Variants in HMGA2 observed in about 807,000 individuals in gnomAD.
The protein encoded by HMGA2 is high mobility group protein HMGI-C.
A neutral mutation model predicts 19.1 loss-of-function variants in HMGA2; 8 were observed. That is an observed-to-expected ratio of 0.42 (90% confidence interval 0.25 to 0.76). The LOEUF is 0.76. Among genes scored for constraint, HMGA2 ranks in the 30% least tolerant of loss-of-function variants. The probability of loss-of-function intolerance (pLI) is 0.28; values close to 1 mark genes in which losing one functional copy is unlikely to be tolerated. For synonymous variants in HMGA2, 60 were observed against 48.8 expected (o/e 1.23, Z -0.96); for missense variants, 109 against 136.3 (o/e 0.80, Z 1.00).
In HMGA2 at chr12:65,885,382, A is replaced by C. The variant is rs181094383; in HGVS notation, c.249+46813A>C. 1.2e-3 allele frequency among the ~76,000 whole-genome samples: 177 copies of C among 152,346 alleles called. 4 individuals are homozygous for C. Among genetic ancestry groups the C allele is most frequent in the Admixed American group, 0.011 (170 of 15,294 alleles). ...GGATTGTTGTTATGTTCTTTTGGCC[A>C]GAAGACACTCGTCTTCCTGGGAAAT... is the stretch of plus-strand genomic sequence containing the variant. On this transcript the variant is annotated intron_variant, in intron 3 of 4. Coordinates refer to ENST00000403681, the MANE Select transcript of HMGA2 (RefSeq NM_003483.6).
At chr12:65,912,043 G>T (rs1021699562) in intron 3 of HMGA2, among the ~76,000 whole-genome samples, 9 of 152,052 alleles carry the variant, frequency 5.9e-5, no homozygotes, top group African/African-American at 2.2e-4. Context: ...GCTTCAGGCT[G>T]GTGATCCCTG....
intron 3 of HMGA2, among the ~76,000 whole-genome samples, chr12:65,848,142 C>T (rs2120914742): frequency 6.6e-6 from 1 of 152,302 alleles, no homozygotes; most frequent in African/African-American, 2.4e-5. Flanking sequence ...TCCCTCACTC[C>T]TGGAAATAGC....
intron 3 of HMGA2, among the ~76,000 whole-genome samples, chr12:65,902,680 A>G (rs186808459): frequency 6.6e-6 from 1 of 152,298 alleles, no homozygotes; most frequent in Non-Finnish European, 1.5e-5. Flanking sequence ...GAAATGAGGA[A>G]ATGGAACAGA....
At chr12:65,903,266 T>C (rs543295206) in intron 3 of HMGA2, among the ~76,000 whole-genome samples, 125 of 152,334 alleles carry the variant, frequency 8.2e-4, no homozygotes, top group African/African-American at 2.6e-3. Flanking sequence ...GAAACTTGTG[T>C]CACTTCACTA....
intron 3 of HMGA2, among the ~76,000 whole-genome samples, chr12:65,923,504 C>G (rs1875394158): frequency 6.6e-6 from 1 of 152,180 alleles, no homozygotes; most frequent in Admixed American, 6.5e-5. Context: ...TAGTGAGCTC[C>G]CCTTGCCAGC....
intron 3 of HMGA2, among the ~76,000 whole-genome samples, chr12:65,938,183 T>C (rs752202697): frequency 4.6e-5 from 7 of 152,180 alleles, no homozygotes; most frequent in Non-Finnish European, 1.0e-4. Context: ...CTGAAGGAAA[T>C]AGACTGAGAA....
chr12:65,871,157 A>G (rs531987709), intron 3 of HMGA2, among the ~76,000 whole-genome samples: 1 of 152,338 alleles, frequency 6.6e-6, no homozygotes, highest in East Asian at 1.9e-4. Context: ...ATGTGTTTAT[A>G]ATACAGATTT....
At chr12:65,944,508 TA>T in intron 3 of HMGA2, among the ~76,000 whole-genome samples, 1 of 152,072 alleles carries the variant, frequency 6.6e-6, no homozygotes, top group East Asian at 1.9e-4. Flanking sequence ...CAGTCTTTGG[TA>T]AAATAAGTGT....
intron 3 of HMGA2, among the ~76,000 whole-genome samples, chr12:65,911,476 A>G (rs1874843085): frequency 6.6e-6 from 1 of 152,192 alleles, no homozygotes; most frequent in African/African-American, 2.4e-5. Context: ...TCAACAGAGC[A>G]GCTTCTCTGC....
At chr12:65,883,182 G>A (rs904773352) in intron 3 of HMGA2, among the ~76,000 whole-genome samples, 1 of 152,246 alleles carries the variant, frequency 6.6e-6, no homozygotes, top group African/African-American at 2.4e-5. Context: ...AGGGGTGAAA[G>A]AAGAGGAAAG....
intron 3 of HMGA2, chr12:65,851,514 T>TCAAAAA (rs1238131053): frequency 1.3e-5 from 4 of 297,360 alleles, no homozygotes; most frequent in African/African-American, 2.3e-5. Context: ...AAACTCCATC[T>TCAAAAA]CAAAAACAAA....
At chr12:65,848,158 G>A (rs540437982) in intron 3 of HMGA2, among the ~76,000 whole-genome samples, 1 of 152,114 alleles carries the variant, frequency 6.6e-6, no homozygotes, top group African/African-American at 2.4e-5. Context: ...ATAGCATTCT[G>A]CTTTCCAAAA....
At chr12:65,886,956 C>G (rs996119287) in intron 3 of HMGA2, among the ~76,000 whole-genome samples, 2 of 152,202 alleles carry the variant, frequency 1.3e-5, no homozygotes, top group African/African-American at 4.8e-5. Context: ...GTAAGCAAGA[C>G]TTGAACTACA....
At chr12:65,917,195 G>C (rs1248961147) in intron 3 of HMGA2, among the ~76,000 whole-genome samples, 1 of 152,012 alleles carries the variant, frequency 6.6e-6, no homozygotes, top group Non-Finnish European at 1.5e-5. Context: ...CATGGAGGGA[G>C]GGGGAGAAGT....
At chr12:65,882,048 T>C in intron 3 of HMGA2, 1 of 624,962 alleles carries the variant, frequency 1.6e-6, no homozygotes, top group Non-Finnish European at 2.9e-6. Context: ...CAGTTGTCTA[T>C]CACCAAAGCT....
At chr12:65,883,058 T>C (rs973454780) in intron 3 of HMGA2, among the ~76,000 whole-genome samples, 5 of 152,234 alleles carry the variant, frequency 3.3e-5, no homozygotes, top group African/African-American at 4.8e-5. Context: ...CCTGACTCTT[T>C]GTTTATCTTC....
At chr12:65,951,443 C>A (rs1450283323) in intron 4 of HMGA2, 28 bp downstream of exon 4, 3 of 1,419,464 alleles carry the variant, frequency 2.1e-6, no homozygotes, top group Non-Finnish European at 2.9e-6. Flanking sequence ...ATTTTTTTCT[C>A]CCAATTAATA....
intron 3 of HMGA2, among the ~76,000 whole-genome samples, chr12:65,908,242 T>C (rs891502210): frequency 4.6e-5 from 7 of 152,180 alleles, no homozygotes; most frequent in Non-Finnish European, 8.8e-5. Flanking sequence ...AAGGGCAGCC[T>C]GTATACAGGC....
chr12:65,825,118 G>A lies in HMGA2; in HGVS notation c.-153G>A, dbSNP rs2120805651. 1 of 571,852 alleles carries A rather than the reference G, an allele frequency of 1.7e-6. No individual in the cohort carries two copies. Among genetic ancestry groups the A allele is most frequent in the Non-Finnish European group, 2.9e-6 (1 of 339,476 alleles). 35.4% of individuals were successfully genotyped at this position (571,852 alleles called of 1,614,324 possible). A position where few individuals can be genotyped will look rare whatever the true frequency, so the allele number is the denominator to read the frequency against. On this transcript the variant is annotated 5_prime_UTR_variant, in exon 1 of 5. Transcript: ENST00000403681. This position sits in a 1 kb window ranked among gnomAD's most constrained non-coding sequence, Gnocchi z 4.4. ...GGTGTTGATGGTGGCAGCGGCGGCA[G>A]CCTAAGCAACAGCAGCCCTCGCAGC...
Sources: gnomAD v4.1 joint callset for allele counts (sites outside exome capture counted in the v4.1 genomes callset) on GRCh38, gnomAD v4.1.1 for gene constraint, Gnocchi (gnomAD v3.1) non-coding constraint, MANE v1.5 for transcripts, NCBI Gene and HGNC (gene_info 2026-07-23, HGNC 2026-07-21) for gene names.